Variants in SNX9 observed in about 807,000 individuals in gnomAD.
SNX9 encodes the protein sorting nexin-9.
Under a neutral mutation model 89.4 loss-of-function variants are expected in SNX9, and 44 were observed. The ratio of observed to expected loss-of-function variants is 0.49; its 90% CI spans 0.39 to 0.63. The LOEUF is 0.63. SNX9 is among the 30% of genes least tolerant of loss of function. The probability of loss-of-function intolerance (pLI) is 0.00; values close to 1 mark genes in which losing one functional copy is unlikely to be tolerated. For synonymous variants in SNX9, 236 were observed against 247.8 expected, an observed-to-expected ratio of 0.95 and a Z score of 0.45; for missense variants, 578 against 736.1, an observed-to-expected ratio of 0.79 and a Z score of 2.49.
At chr6:157,901,537 A>G (rs1170174426) in intron 5 of SNX9, among the ~76,000 whole-genome samples, 1 of 151,538 alleles carries the variant, frequency 6.6e-6, no homozygotes, top group Non-Finnish European at 1.5e-5. Flanking sequence ...GACAAGGTCC[A>G]GTTTTATTCT....
chr6:157,903,621 G>A (rs989987981), intron 6 of SNX9, among the ~76,000 whole-genome samples: 2 of 152,168 alleles, frequency 1.3e-5, no homozygotes, highest in African/African-American at 2.4e-5. Context: ...TTTTGAAAAC[G>A]AAGGAAGCAG....
chr6:157,942,490 C>G (rs1784058607), intron 17 of SNX9, among the ~76,000 whole-genome samples: 1 of 152,230 alleles, frequency 6.6e-6, no homozygotes, highest in South Asian at 2.1e-4. Flanking sequence ...GCCTGAGCCC[C>G]CAGCTCATCT....
rs139841192 is a variant in SNX9 at position 157,877,611 on chromosome 6, G to A, written c.300+2435G>A. Among the ~76,000 whole-genome samples, 1,045 of 152,140 alleles carry A rather than the reference G, an allele frequency of 6.9e-3. 5 individuals carry two copies. The highest frequency in any genetic ancestry group is 0.014 in the Admixed American group (215 of 15,266). ...CCCATTGCTTTCATTTTCTGAATGC[G>A]GGTAGGAAGATGTGTGCTCTGAGGT... On this transcript the variant is annotated intron_variant, in intron 4 of 17. Coordinates refer to ENST00000392185, the MANE Select transcript of SNX9 (RefSeq NM_016224.5).
chr6:157,853,833 T>C (rs773309166), intron 1 of SNX9, among the ~76,000 whole-genome samples: 12 of 152,112 alleles, frequency 7.9e-5, no homozygotes, highest in Non-Finnish European at 1.6e-4. Flanking sequence ...CTGCATTTAC[T>C]GGGCCATATG....
chr6:157,851,689 A>G (rs1217336121), intron 1 of SNX9, among the ~76,000 whole-genome samples: 2 of 152,142 alleles, frequency 1.3e-5, no homozygotes, highest in Non-Finnish European at 2.9e-5. Flanking sequence ...TCCAGGGTTC[A>G]AGCGATTTTC....
intron 17 of SNX9, among the ~76,000 whole-genome samples, chr6:157,941,205 A>G (rs553290455): frequency 6.6e-6 from 1 of 152,252 alleles, no homozygotes; most frequent in African/African-American, 2.4e-5. Flanking sequence ...CTTGGATGCT[A>G]GTTGCAAGGC....
intron 4 of SNX9, among the ~76,000 whole-genome samples, chr6:157,881,567 A>C (rs140680533): frequency 0.012 from 1,861 of 152,292 alleles, 25 homozygotes; most frequent in Middle Eastern, 0.044. Flanking sequence ...TGAGCCAAAC[A>C]CTTAGCCAAG....
rs369578563 is a variant in SNX9, at chr6:157,858,242, TC to T, written c.13-9304del. On this transcript the variant is annotated intron_variant, in intron 1 of 17. Transcript: ENST00000392185. ...ACTCGTCCGGAGTCTTTTTTCTTTT[TC>T]TTTTTTCTTTTTTTTTTTTTGAGAT... Among the ~76,000 whole-genome samples the T allele has an allele frequency of 5.2e-3, 777 of 148,246 alleles. 8 individuals are homozygous for T. Among genetic ancestry groups the T allele is most frequent in the African/African-American group, 0.019 (747 of 38,534 alleles).
At chr6:157,942,580 C>A (rs1175362989) in intron 17 of SNX9, among the ~76,000 whole-genome samples, 2 of 152,212 alleles carry the variant, frequency 1.3e-5, no homozygotes, top group Non-Finnish European at 2.9e-5. Flanking sequence ...GGGAAGGGAC[C>A]ACCAGGGCCA....
Position 157,859,931 on chromosome 6 carries a change from A to C in SNX9, c.13-7616A>C, listed in dbSNP as rs143652434. ...ATTTTGTTCCGGGTCATGTTATAGG[A>C]GTCAGCAAATTTTGGCCCATGAACA... On this transcript the variant is annotated intron_variant, in intron 1 of 17. Coordinates refer to ENST00000392185, the MANE Select transcript of SNX9 (RefSeq NM_016224.5). Among the ~76,000 whole-genome samples the C allele has an allele frequency of 2.7e-3, 410 of 152,308 alleles. 2 individuals are homozygous for C. Among genetic ancestry groups the C allele is most frequent in the African/African-American group, 9.3e-3 (385 of 41,568 alleles).
chr6:157,887,335 G>A (rs772091137), intron 4 of SNX9, among the ~76,000 whole-genome samples: 18 of 152,162 alleles, frequency 1.2e-4, no homozygotes, highest in Non-Finnish European at 2.2e-4. Context: ...TGTGTGAGGG[G>A]TTGCACTCTT....
intron 4 of SNX9, among the ~76,000 whole-genome samples, chr6:157,896,353 G>C (rs1782977043): frequency 6.6e-6 from 1 of 152,174 alleles, no homozygotes; most frequent in African/African-American, 2.4e-5. Flanking sequence ...GTTAGAAATA[G>C]GTCCTCATGT....
chr6:157,913,301 T>TTTTATTTA (rs148649639), intron 9 of SNX9, among the ~76,000 whole-genome samples: 117 of 151,506 alleles, frequency 7.7e-4, no homozygotes, highest in African/African-American at 2.7e-3. Flanking sequence ...TCTATCTATA[T>TTTTATTTA]TTTATTTATT....
intron 9 of SNX9, among the ~76,000 whole-genome samples, chr6:157,916,505 G>C (rs559198505): frequency 6.6e-6 from 1 of 152,202 alleles, no homozygotes; most frequent in Non-Finnish European, 1.5e-5. Context: ...GCTTATTCCT[G>C]ATCTTAGGGA....
intron 1 of SNX9, among the ~76,000 whole-genome samples, chr6:157,864,175 C>T (rs1337384061): frequency 6.6e-6 from 1 of 152,124 alleles, no homozygotes; most frequent in Non-Finnish European, 1.5e-5. Context: ...CTTGAGTGCT[C>T]CCTCCTCCAG....
At chr6:157,916,065 C>T (rs968249692) in intron 9 of SNX9, among the ~76,000 whole-genome samples, 11 of 150,616 alleles carry the variant, frequency 7.3e-5, no homozygotes, top group African/African-American at 2.7e-4. Flanking sequence ...GACGGAGTCT[C>T]GCTCTGTCGC....
intron 11 of SNX9, among the ~76,000 whole-genome samples, chr6:157,928,376 A>G (rs1783738101): frequency 6.6e-6 from 1 of 152,268 alleles, no homozygotes; most frequent in African/African-American, 2.4e-5. Flanking sequence ...AAAATTCACA[A>G]AGAATTGTAT....
chr6:157,875,147 A>G lies in SNX9; in HGVS notation c.271A>G (p.Ser91Gly), dbSNP rs1405065560. The G allele has an allele frequency of 2.5e-6, 4 of 1,607,092 alleles. No individual in the cohort carries two copies. In the African/African-American group the frequency reaches 5.3e-5, roughly 21 times the overall value. ...TCTCTCAGCCAGCACAGCTCAGGCC[A>G]GTTCGTCGGCTGCCAGCAACAATCA... ...DSLSASTAQA[S>G]SSAASNNHQV... The change falls in exon 4 of 18, where the codon AGT becomes GGT. Residue 91 changes from serine (S) to glycine (G), a missense_variant. Physicochemically the swap from Ser to Gly is moderately conservative, Grantham distance 56 (BLOSUM62 0). Coordinates refer to ENST00000392185, the MANE Select transcript of SNX9 (RefSeq NM_016224.5).
intron 1 of SNX9, among the ~76,000 whole-genome samples, chr6:157,840,107 G>GCACAGT (rs1562590712): frequency 6.9e-6 from 1 of 145,706 alleles, no homozygotes; most frequent in African/African-American, 2.7e-5. Flanking sequence ...GCTGGTGCTT[G>GCACAGT]GGGTGTCTTT....
Sources: allele counts gnomAD v4.1 joint callset (sites outside exome capture counted in the v4.1 genomes callset), GRCh38; gene constraint gnomAD v4.1.1; transcripts MANE v1.5; gene names NCBI Gene and HGNC (gene_info 2026-07-23, HGNC 2026-07-21).